CFAP47: variants seen among roughly 807,000 people sequenced by gnomAD.
The protein encoded by CFAP47 is cilia and flagella associated protein 47.
In CFAP47, 29 loss-of-function variants were observed where a neutral mutation model predicts 148.1. The ratio of observed to expected loss-of-function variants is 0.20; its 90% CI spans 0.15 to 0.27. The LOEUF is 0.27. CFAP47 is among the 10% of genes least tolerant of loss of function. The probability of loss-of-function intolerance (pLI) is 1.00; values close to 1 mark genes in which losing one functional copy is unlikely to be tolerated. For missense variants in CFAP47, 1,872 were observed against 1,697.5 expected (o/e 1.10, Z -1.81); for synonymous variants, 664 against 577.3 (o/e 1.15, Z -2.15).
chrX:36,122,421 A>T (rs1480673589), intron 33 of CFAP47, among the ~76,000 whole-genome samples: 1 of 110,401 alleles, frequency 9.1e-6, no homozygotes. Flanking sequence ...CTCCTCTCTA[A>T]CGTCAGCAAC....
chrX:36,080,389 A>G (rs1198234914), intron 29 of CFAP47, among the ~76,000 whole-genome samples: 1 of 111,734 alleles, frequency 8.9e-6, no homozygotes. Context: ...TCAAGGATCT[A>G]GAACTAGAAA....
chrX:36,188,798 G>A (rs1422352973), intron 41 of CFAP47, 108 bp downstream of exon 41: 14 of 282,596 alleles, frequency 5.0e-5, no homozygotes, highest in Non-Finnish European at 7.4e-5. Context: ...AATAGACAGA[G>A]TAGTAAGCCC....
At position 35,921,739 on chromosome X, in the gene CFAP47, C is replaced by A. The variant is rs189446353; in HGVS notation, c.249+1691C>A. On this transcript the variant is annotated intron_variant, in intron 1 of 63. Transcript: ENST00000378653. Reference sequence around the variant, plus strand: ...AAGACTATGAAATGCACTCCTGATCCTTCATAAAGGGAATTAGATAAATAG... The same window carrying A: ...AAGACTATGAAATGCACTCCTGATCATTCATAAAGGGAATTAGATAAATAG... Among the ~76,000 whole-genome samples the A allele has an allele frequency of 3.7e-3, 409 of 111,149 alleles. 1 individual carries two copies. The highest frequency in any genetic ancestry group is 0.013 in the African/African-American group (383 of 30,543).
chrX:35,971,858 A>AT lies in CFAP47; in HGVS notation c.2158-5dup, dbSNP rs754569668. 11 of 1,187,311 alleles carry AT rather than the reference A, an allele frequency of 9.3e-6. No homozygotes were observed. The highest frequency in any genetic ancestry group is 3.7e-5 in the South Asian group (2 of 54,189). The stretch of plus-strand genomic sequence containing the variant: ...TAATGAATAATTCTGGAAAAATATG[A>AT]TTTTTTACAGGTTCTCAAAGGACTT... On this transcript the variant is annotated splice_polypyrimidine_tract_variant and intron_variant, in intron 12 of 63. Coordinates refer to ENST00000378653, the MANE Select transcript of CFAP47 (RefSeq NM_001304548.2).
Position 36,039,100 on chromosome X carries a change from C to A in CFAP47, c.3928C>A (p.Pro1310Thr), listed in dbSNP as rs866232666. The A allele has an allele frequency of 9.1e-7, 1 of 1,103,475 alleles. No homozygotes were observed. 90.9% of individuals were successfully genotyped at this position (1,103,475 alleles called of 1,213,427 possible). The stretch of plus-strand genomic sequence containing the variant: ...ATCACCAGAGTTATTGTTTGACCCT[C>A]CATTTATATTTTTCACTCCTGTTCC... ...VKSPELLFDPPFIFFTPVPLD... is the reference protein window; with the variant it reads ...VKSPELLFDPTFIFFTPVPLD... Residue 1310 changes from proline to threonine, a missense_variant, in exon 25 of 64, where the codon CCA becomes ACA. Pro to Thr is a conservative substitution (Grantham distance 38). Transcript: ENST00000378653.
intron 3 of CFAP47, among the ~76,000 whole-genome samples, chrX:35,944,049 G>T (rs949222116): frequency 9.0e-6 from 1 of 110,878 alleles, no homozygotes; most frequent in African/African-American, 3.3e-5. Context: ...GGTTTATTTG[G>T]TCTACTTTGT....
At chrX:36,275,744 T>G (rs782626660) in intron 49 of CFAP47, among the ~76,000 whole-genome samples, 1 of 110,806 alleles carries the variant, frequency 9.0e-6, no homozygotes, top group Non-Finnish European at 1.9e-5. Flanking sequence ...TTCAAATGTT[T>G]GGAGGTGTTT....
At chrX:36,177,121 G>T (rs1188938833) in intron 39 of CFAP47, among the ~76,000 whole-genome samples, 2 of 111,511 alleles carry the variant, frequency 1.8e-5, no homozygotes, top group East Asian at 5.6e-4. Context: ...TATCAAGTAG[G>T]ATTATTTTTT....
chrX:36,262,826 C>T (rs1341378702), intron 49 of CFAP47, among the ~76,000 whole-genome samples: 1 of 111,871 alleles, frequency 8.9e-6, no homozygotes, highest in Non-Finnish European at 1.9e-5. Context: ...AATTTATATT[C>T]CCAACAACAG....
intron 21 of CFAP47, among the ~76,000 whole-genome samples, chrX:36,013,586 G>A (rs1214007036): frequency 9.0e-6 from 1 of 111,040 alleles, no homozygotes; most frequent in Admixed American, 9.6e-5. Flanking sequence ...GGGAGGTATC[G>A]ATGGTTAATG....
At chrX:36,110,743 T>C (rs1190119664) in intron 33 of CFAP47, among the ~76,000 whole-genome samples, 1 of 112,378 alleles carries the variant, frequency 8.9e-6, no homozygotes, top group African/African-American at 3.2e-5. Flanking sequence ...TCCATGAGCA[T>C]GGAATGATTC....
At chrX:36,377,911 T>A (rs1316954671) in intron 62 of CFAP47, among the ~76,000 whole-genome samples, 1 of 111,920 alleles carries the variant, frequency 8.9e-6, no homozygotes, top group Non-Finnish European at 1.9e-5. Context: ...TAGGGAAAAG[T>A]TAAGTAAATT....
Position 36,043,907 on chromosome X carries a change from C to G in CFAP47, c.4008-2947C>G, listed in dbSNP as rs187855694. 3.2e-4 allele frequency among the ~76,000 whole-genome samples: 36 copies of G among 113,051 alleles called. No homozygotes were observed. The East Asian group carries it at 6.5e-3, about 20-fold the overall frequency. The stretch of plus-strand genomic sequence containing the variant: ...ATGAGGACTCTGCCCCTGTAGCAGA[C>G]TTTGGCCTGGACATCCAGGTGTTTC... On this transcript the variant is annotated intron_variant, in intron 25 of 63. Coordinates refer to ENST00000378653, the MANE Select transcript of CFAP47 (RefSeq NM_001304548.2).
chrX:35,925,967 T>A, intron 1 of CFAP47, 50 bp from the exon 2 acceptor site: 1 of 1,065,750 alleles, frequency 9.4e-7, no homozygotes, highest in Non-Finnish European at 1.3e-6. Context: ...GGTATTTTTT[T>A]TTTATAAGGA....
chrX:36,150,601 A>G (rs1344789989), intron 37 of CFAP47, among the ~76,000 whole-genome samples: 1 of 111,750 alleles, frequency 8.9e-6, no homozygotes, highest in Non-Finnish European at 1.9e-5. Context: ...CTGTACTAGT[A>G]TATCAAACAC....
chrX:36,253,139 T>C (rs1555998469), intron 49 of CFAP47, among the ~76,000 whole-genome samples: 3 of 112,291 alleles, frequency 2.7e-5, no homozygotes, highest in Non-Finnish European at 5.6e-5. Flanking sequence ...ACATGTTGGT[T>C]TGAAAAAATT....
At chrX:36,168,270 G>C (rs1281339950) in intron 39 of CFAP47, among the ~76,000 whole-genome samples, 4 of 110,977 alleles carry the variant, frequency 3.6e-5, no homozygotes, top group Non-Finnish European at 7.6e-5. Context: ...CTCTGTTACT[G>C]CCTGAGTTTT....
rs931160843 is a variant in CFAP47, at chrX:36,042,635, A to G, written c.4007+3456A>G. Among the ~76,000 whole-genome samples the G allele has an allele frequency of 7.2e-5, 8 of 111,379 alleles. No homozygotes were observed. The South Asian group carries it at 3.0e-3, about 41-fold the overall frequency. ...TATAGAACTGTATAAAGAAAATTATAAAACTCAAGTTAAATACGCCTGTAT... is the reference window on the plus strand; with the variant it reads ...TATAGAACTGTATAAAGAAAATTATGAAACTCAAGTTAAATACGCCTGTAT... On this transcript the variant is annotated intron_variant, in intron 25 of 63. Coordinates refer to ENST00000378653, the MANE Select transcript of CFAP47 (RefSeq NM_001304548.2).
intron 35 of CFAP47, chrX:36,144,873 C>G (rs2146837687): frequency 1.0e-6 from 1 of 980,327 alleles, no homozygotes; most frequent in Non-Finnish European, 1.3e-6. Context: ...GGCTTTCAGC[C>G]TTCGGCCTCA....
Sources: allele counts gnomAD v4.1 joint callset (sites outside exome capture counted in the v4.1 genomes callset), GRCh38; gene constraint gnomAD v4.1.1; transcripts MANE v1.5; gene names NCBI Gene and HGNC (gene_info 2026-07-23, HGNC 2026-07-21).